The following RPRD2 variants were observed in gnomAD, a reference collection of about 807,000 sequenced individuals.
The protein encoded by RPRD2 is regulation of nuclear pre-mRNA domain containing 2, also known as regulation of nuclear pre-mRNA domain-containing protein 2.
Under a neutral mutation model 104.4 loss-of-function variants are expected in RPRD2, and 12 were observed. That is an observed-to-expected ratio of 0.11 (90% confidence interval 0.07 to 0.19). The LOEUF (loss-of-function observed/expected upper bound fraction) is 0.19. RPRD2 is among the 10% of genes least tolerant of loss of function. RPRD2 has a pLI of 1.00. For synonymous variants in RPRD2, 714 were observed against 684.9 expected (o/e 1.04, Z -0.66); for missense variants, 1,543 against 1,790.1 (o/e 0.86, Z 2.49).
intron 2 of RPRD2, among the ~76,000 whole-genome samples, chr1:150,419,988 A>G (rs994026633): frequency 6.6e-6 from 1 of 152,202 alleles, no homozygotes. Flanking sequence ...TAAATTGCCT[A>G]AACTCTCAGA....
At chr1:150,422,773 A>G (rs903849431) in intron 2 of RPRD2, among the ~76,000 whole-genome samples, 3 of 152,198 alleles carry the variant, frequency 2.0e-5, no homozygotes, top group Non-Finnish European at 2.9e-5. Flanking sequence ...TGGGCAACTT[A>G]TTAGGGACAT....
chr1:150,398,110 C>T (rs1662671068), intron 1 of RPRD2, among the ~76,000 whole-genome samples: 1 of 150,554 alleles, frequency 6.6e-6, no homozygotes, highest in South Asian at 2.1e-4. Flanking sequence ...GCCTCAGCAC[C>T]CCACCCCACC....
intron 2 of RPRD2, among the ~76,000 whole-genome samples, chr1:150,431,223 GA>G (rs1665544614): frequency 6.6e-6 from 1 of 152,060 alleles, no homozygotes; most frequent in Non-Finnish European, 1.5e-5. Context: ...AGTTGCTGTG[GA>G]AAACAGTTTG....
chr1:150,441,738 T>C, intron 3 of RPRD2, 143 bp from the exon 4 acceptor site: 1 of 536,432 alleles, frequency 1.9e-6, no homozygotes, highest in Non-Finnish European at 3.3e-6. Flanking sequence ...TTTCTATTTT[T>C]TCATAAAAAT....
At position 150,417,600 on chromosome 1, in the gene RPRD2, A is replaced by G. The variant is rs370726147; in HGVS notation, c.210A>G (p.Ala70=). The change falls in exon 2 of 11, where the codon GCA becomes GCG. Residue 70 remains alanine (A), a synonymous_variant. Coordinates refer to ENST00000369068, the MANE Select transcript of RPRD2 (RefSeq NM_015203.5). ...ATTGTCTTTTGTCATCTCTAGCTGC[A>G]TATCCCCACCGTTTGAATCTCTTTT... ...YHWMKWLRRS[A]YPHRLNLFYL... 7 of 1,558,594 alleles carry G rather than the reference A, an allele frequency of 4.5e-6. No homozygotes were observed. Among genetic ancestry groups the G allele is most frequent in the South Asian group, 2.4e-5 (2 of 83,684 alleles).
chr1:150,376,739 A>T (rs1392977474), intron 1 of RPRD2, among the ~76,000 whole-genome samples: 1 of 151,378 alleles, frequency 6.6e-6, no homozygotes, highest in Non-Finnish European at 1.5e-5. Context: ...TGACCTCGTG[A>T]TCCGCCCGCC....
At chr1:150,430,934 A>C (rs190612862) in intron 2 of RPRD2, among the ~76,000 whole-genome samples, 30 of 152,300 alleles carry the variant, frequency 2.0e-4, no homozygotes, top group African/African-American at 7.2e-4. Flanking sequence ...TCTCAAAAAA[A>C]AAAAGATAAC....
At chr1:150,431,756 C>G (rs1665613787) in intron 2 of RPRD2, among the ~76,000 whole-genome samples, 1 of 152,042 alleles carries the variant, frequency 6.6e-6, no homozygotes, top group Non-Finnish European at 1.5e-5. Context: ...GCTGGGATTA[C>G]AGGCGTGAGC....
intron 1 of RPRD2, chr1:150,409,134 C>A (rs1268982799): frequency 6.6e-6 from 1 of 152,196 alleles, no homozygotes; most frequent in Non-Finnish European, 1.5e-5. Context: ...AGACTTAAAT[C>A]AGTAACCTTC....
intron 2 of RPRD2, among the ~76,000 whole-genome samples, chr1:150,434,316 A>G (rs2102333608): frequency 6.6e-6 from 1 of 152,262 alleles, no homozygotes; most frequent in East Asian, 1.9e-4. Context: ...AGATCGTGCA[A>G]CTGCCCTCCA....
intron 2 of RPRD2, among the ~76,000 whole-genome samples, chr1:150,425,782 A>G (rs11577843): frequency 0.33 from 49,951 of 152,088 alleles, 8,922 homozygotes; most frequent in Non-Finnish European, 0.4. Flanking sequence ...AATAAATCAT[A>G]TAAATCTACT....
intron 1 of RPRD2, among the ~76,000 whole-genome samples, chr1:150,376,641 C>T (rs1042524855): frequency 4.6e-5 from 7 of 151,814 alleles, no homozygotes; most frequent in African/African-American, 1.5e-4. Context: ...GCTGGGACTA[C>T]AGGCGCCCGC....
At chr1:150,371,935 A>G (rs1461552221) in intron 1 of RPRD2, among the ~76,000 whole-genome samples, 2 of 152,104 alleles carry the variant, frequency 1.3e-5, no homozygotes, top group African/African-American at 4.8e-5. Context: ...CCTCTGTGGC[A>G]TAACTATCTC....
intron 1 of RPRD2, among the ~76,000 whole-genome samples, chr1:150,407,531 T>C (rs1386614667): frequency 7.2e-5 from 11 of 152,202 alleles, no homozygotes; most frequent in African/African-American, 2.7e-4. Context: ...CCTGATGTGA[T>C]GCCCTTTCAC....
In RPRD2 at chr1:150,443,292, C is replaced by A; in HGVS notation, c.567+9C>A. The A allele has an allele frequency of 6.4e-7, 1 of 1,556,428 alleles. No homozygotes were observed. The highest frequency in any genetic ancestry group is 8.7e-7 in the Non-Finnish European group (1 of 1,146,192). The stretch of plus-strand genomic sequence containing the variant: ...TAGTTGCTGAATTTCGAGTAAGTTA[C>A]AGAATTTGTTTAATATAGCAAAGTA... On this transcript the variant is annotated intron_variant, in intron 5 of 10. Transcript: ENST00000369068.
At chr1:150,456,658 C>A (rs1667547051) in intron 7 of RPRD2, among the ~76,000 whole-genome samples, 2 of 151,386 alleles carry the variant, frequency 1.3e-5, no homozygotes, top group Non-Finnish European at 2.9e-5. Context: ...AGCACGGTGA[C>A]TCAAGCCTGT....
intron 1 of RPRD2, 88 bp from the exon 2 acceptor site, chr1:150,417,502 CCAGTTA>C (rs1553888789): frequency 1.0e-6 from 1 of 1,004,016 alleles, no homozygotes; most frequent in South Asian, 2.9e-5. Context: ...AAAAAAATAA[CCAGTTA>C]CAGTTTGAGA....
At chr1:150,370,290 C>T (rs945798976) in intron 1 of RPRD2, among the ~76,000 whole-genome samples, 2 of 152,060 alleles carry the variant, frequency 1.3e-5, no homozygotes, top group Non-Finnish European at 2.9e-5. Flanking sequence ...ATGTTAACTC[C>T]GGTCACTTAA....
Position 150,472,283 on chromosome 1 carries a change from C to T in RPRD2, c.3335C>T (p.Pro1112Leu). 1 of 1,613,896 alleles carries T rather than the reference C, an allele frequency of 6.2e-7. No individual in the cohort carries two copies. Among genetic ancestry groups the T allele is most frequent in the African/African-American group, 1.3e-5 (1 of 75,030 alleles). Residue 1112 changes from proline to leucine, a missense_variant, in exon 11 of 11, where the codon CCT (proline) becomes CTT (leucine). Transcript: ENST00000369068. ...CAGACCGTAGAGTCCATCCGAGTTC[C>T]TGGGAAGGGAAATAGAGGACATGGG... Reference protein sequence around the residue: ...PIQTVESIRVPGKGNRGHGRE... With the variant: ...PIQTVESIRVLGKGNRGHGRE...
Sources: gnomAD v4.1 joint callset for allele counts (sites outside exome capture counted in the v4.1 genomes callset) on GRCh38, gnomAD v4.1.1 for gene constraint, MANE v1.5 for transcripts, NCBI Gene and HGNC (gene_info 2026-07-23, HGNC 2026-07-21) for gene names.